Variants in ADCY2 observed in about 807,000 individuals in gnomAD.
ADCY2 encodes adenylate cyclase type 2.
In ADCY2, 31 loss-of-function variants were observed where a neutral mutation model predicts 125.2. The ratio of observed to expected loss-of-function variants is 0.25; its 90% CI spans 0.19 to 0.33. ADCY2 has a LOEUF of 0.33. Among genes scored for constraint, ADCY2 ranks in the 10% least tolerant of loss-of-function variants. The pLI is 1.00. For synonymous variants in ADCY2, 512 were observed against 548.4 expected, an observed-to-expected ratio of 0.93 and a Z score of 0.93; for missense variants, 904 against 1,418.2, an observed-to-expected ratio of 0.64 and a Z score of 5.82.
chr5:7,560,485 T>C (rs1010185252), intron 3 of ADCY2, among the ~76,000 whole-genome samples: 2 of 152,218 alleles, frequency 1.3e-5, no homozygotes, highest in Non-Finnish European at 1.5e-5. Flanking sequence ...AAATTGTCTT[T>C]ATCTCATATC....
intron 2 of ADCY2, among the ~76,000 whole-genome samples, chr5:7,464,374 G>A (rs1321388795): frequency 6.6e-6 from 1 of 152,154 alleles, no homozygotes; most frequent in Non-Finnish European, 1.5e-5. Context: ...TGCCAAACAT[G>A]TAAGTGAAGC....
intron 3 of ADCY2, among the ~76,000 whole-genome samples, chr5:7,551,966 G>A (rs138541344): frequency 6.6e-6 from 1 of 152,082 alleles, no homozygotes; most frequent in African/African-American, 2.4e-5. Context: ...TGTTCATTGT[G>A]TATATTTAAT....
chr5:7,713,635 T>C (rs1741509008), intron 11 of ADCY2, among the ~76,000 whole-genome samples: 1 of 152,114 alleles, frequency 6.6e-6, no homozygotes, highest in South Asian at 2.1e-4. Context: ...CCCACAAATG[T>C]CTCCACACGC....
At chr5:7,801,493 C>T (rs575539291) in intron 20 of ADCY2, 134 of 152,354 alleles carry the variant, frequency 8.8e-4, no homozygotes, top group African/African-American at 3.2e-3. Flanking sequence ...TCCTCCACAC[C>T]TAGGACTAGC....
chr5:7,463,832 C>A (rs1742010467), intron 2 of ADCY2, among the ~76,000 whole-genome samples: 2 of 152,046 alleles, frequency 1.3e-5, no homozygotes, highest in Admixed American at 6.6e-5. Flanking sequence ...GGGATAGGAT[C>A]ACAGGAAGAA....
intron 14 of ADCY2, among the ~76,000 whole-genome samples, chr5:7,741,271 A>C (rs1397520347): frequency 6.6e-6 from 1 of 152,166 alleles, no homozygotes; most frequent in Non-Finnish European, 1.5e-5. Flanking sequence ...CTGGGTAGAC[A>C]TAAATCCAGA....
intron 14 of ADCY2, among the ~76,000 whole-genome samples, chr5:7,731,032 GT>G (rs916953728): frequency 6.6e-6 from 1 of 151,948 alleles, no homozygotes; most frequent in African/African-American, 2.4e-5. Flanking sequence ...TGCATATTGT[GT>G]TCTCATCCTG....
intron 2 of ADCY2, among the ~76,000 whole-genome samples, chr5:7,489,110 C>T (rs1743058046): frequency 6.6e-6 from 1 of 152,174 alleles, no homozygotes; most frequent in Admixed American, 6.5e-5. Context: ...CCCGGCTCTC[C>T]CACTCCCATT....
chr5:7,510,488 C>G (rs777184225), intron 2 of ADCY2, among the ~76,000 whole-genome samples: 10 of 152,162 alleles, frequency 6.6e-5, no homozygotes, highest in Non-Finnish European at 1.0e-4. Flanking sequence ...CTGATTCAGT[C>G]AATTTAGGGT....
intron 3 of ADCY2, among the ~76,000 whole-genome samples, chr5:7,546,989 T>C (rs1735167559): frequency 6.6e-6 from 1 of 152,222 alleles, no homozygotes; most frequent in South Asian, 2.1e-4. Flanking sequence ...TCAGTGTCTT[T>C]CTTCCCATCA....
At chr5:7,491,337 C>T (rs189881428) in intron 2 of ADCY2, among the ~76,000 whole-genome samples, 14 of 152,186 alleles carry the variant, frequency 9.2e-5, no homozygotes, top group Admixed American at 3.3e-4. Flanking sequence ...CTGCAACCTC[C>T]GCCTCCTGAC....
chr5:7,810,397 GTTATCTGCCTGATGGGTGGA>G (rs1326561037), intron 22 of ADCY2, among the ~76,000 whole-genome samples: 1 of 151,826 alleles, frequency 6.6e-6, no homozygotes, highest in Admixed American at 6.6e-5. Context: ...TGATGGGTGG[GTTATCTGCCTGATGGGTGGA>G]TTATCTGCCT....
intron 18 of ADCY2, among the ~76,000 whole-genome samples, 192 bp downstream of exon 18, chr5:7,773,293 C>G (rs1188980920): frequency 6.6e-6 from 1 of 152,118 alleles, no homozygotes; most frequent in African/African-American, 2.4e-5. Flanking sequence ...TTATGTATTC[C>G]CAAACACACA....
At chr5:7,435,646 G>A (rs559106428) in intron 2 of ADCY2, among the ~76,000 whole-genome samples, 11 of 152,350 alleles carry the variant, frequency 7.2e-5, no homozygotes, top group African/African-American at 2.6e-4. Context: ...TGGAGAATGT[G>A]TTGACTATTA....
chr5:7,712,557 G>A (rs1472181054), intron 10 of ADCY2, among the ~76,000 whole-genome samples: 1 of 152,156 alleles, frequency 6.6e-6, no homozygotes, highest in Non-Finnish European at 1.5e-5. Flanking sequence ...TCGCCGGCAG[G>A]CCACTGTTTG....
intron 4 of ADCY2, among the ~76,000 whole-genome samples, chr5:7,648,103 T>C (rs1738964689): frequency 1.3e-5 from 2 of 152,204 alleles, no homozygotes; most frequent in African/African-American, 4.8e-5. Flanking sequence ...CTGGTATTAT[T>C]TTCAATCTGT....
At chr5:7,470,368 T>A (rs1261188995) in intron 2 of ADCY2, among the ~76,000 whole-genome samples, 1 of 151,570 alleles carries the variant, frequency 6.6e-6, no homozygotes, top group Non-Finnish European at 1.5e-5. Context: ...AGCTTCTTTC[T>A]TTTTACATTT....
In ADCY2 at chr5:7,709,878, G is replaced by A. The variant is rs1215690956; in HGVS notation, c.1578+491G>A. ...CCTGTGACCTCCAGCATATGAGAAAGCTCCTTACACCAGGGACATCTGCGA... is the reference window on the plus strand; with the variant it reads ...CCTGTGACCTCCAGCATATGAGAAAACTCCTTACACCAGGGACATCTGCGA... On this transcript the variant is annotated intron_variant, in intron 10 of 24. Coordinates refer to ENST00000338316, the MANE Select transcript of ADCY2 (RefSeq NM_020546.3). This position sits in a 1 kb window ranked among gnomAD's most constrained non-coding sequence, Gnocchi z 4.4. Among the ~76,000 whole-genome samples the A allele has an allele frequency of 1.3e-5, 2 of 152,154 alleles. No individual in the cohort carries two copies. The highest frequency in any genetic ancestry group is 2.9e-5 in the Non-Finnish European group (2 of 68,038).
intron 6 of ADCY2, 89 bp downstream of exon 6, chr5:7,695,952 C>G: frequency 1.3e-6 from 1 of 756,412 alleles, no homozygotes; most frequent in Non-Finnish European, 2.0e-6. Flanking sequence ...TTTACTTTTT[C>G]ATAAAAGCAT....
Sources: allele counts gnomAD v4.1 joint callset (sites outside exome capture counted in the v4.1 genomes callset), GRCh38; gene constraint gnomAD v4.1.1; non-coding constraint Gnocchi (gnomAD v3.1); transcripts MANE v1.5; gene names NCBI Gene and HGNC (gene_info 2026-07-23, HGNC 2026-07-21).